Variants in ADD1 observed in about 807,000 individuals in gnomAD.
The protein encoded by ADD1 is adducin 1.
Under a neutral mutation model 80.5 loss-of-function variants are expected in ADD1, and 24 were observed. The observed-to-expected ratio is 0.30, with a 90% confidence interval of 0.22 to 0.42. The LOEUF (loss-of-function observed/expected upper bound fraction) is 0.42, where lower values mean the gene tolerates loss of function less well. Among genes scored for constraint, ADD1 ranks in the 10% least tolerant of loss-of-function variants. ADD1 has a pLI of 1.00. For missense variants in ADD1, 948 were observed against 1,019.0 expected, an observed-to-expected ratio of 0.93 and a Z score of 0.95; for synonymous variants, 373 against 393.8, an observed-to-expected ratio of 0.95 and a Z score of 0.63.
chr4:2,916,388 G>A (rs1037790497), intron 14 of ADD1, among the ~76,000 whole-genome samples: 1 of 151,726 alleles, frequency 6.6e-6, no homozygotes, highest in Non-Finnish European at 1.5e-5. Context: ...TAGAGATGGG[G>A]TTTCACCATG....
intron 1 of ADD1, among the ~76,000 whole-genome samples, chr4:2,865,793 T>A (rs1729458603): frequency 6.6e-6 from 1 of 152,176 alleles, no homozygotes; most frequent in Non-Finnish European, 1.5e-5. Flanking sequence ...TTTGAAAGAT[T>A]TCATCACTTC....
At chr4:2,923,322 G>A (rs376216255) in intron 14 of ADD1, among the ~76,000 whole-genome samples, 161 of 152,340 alleles carry the variant, frequency 1.1e-3, no homozygotes, top group African/African-American at 3.4e-3. Context: ...TGGGAAAAGC[G>A]TAGTATTTGA....
intron 1 of ADD1, among the ~76,000 whole-genome samples, chr4:2,861,903 T>C (rs529015115): frequency 6.6e-6 from 1 of 152,328 alleles, no homozygotes; most frequent in African/African-American, 2.4e-5. Context: ...CTAACACAAA[T>C]TCGTAAACTT....
At chr4:2,871,935 G>C (rs1423162257) in intron 1 of ADD1, among the ~76,000 whole-genome samples, 1 of 152,118 alleles carries the variant, frequency 6.6e-6, no homozygotes, top group East Asian at 1.9e-4. Context: ...TCCTACTAAG[G>C]TCCACATATT....
intron 14 of ADD1, among the ~76,000 whole-genome samples, chr4:2,923,363 C>T (rs1417636762): frequency 2.0e-5 from 3 of 152,210 alleles, no homozygotes; most frequent in Non-Finnish European, 4.4e-5. Context: ...AAGCCACAGT[C>T]CCTCATGGCT....
chr4:2,872,167 G>C (rs1730556248), intron 1 of ADD1, among the ~76,000 whole-genome samples: 1 of 152,170 alleles, frequency 6.6e-6, no homozygotes. Context: ...GATGTCACTT[G>C]GGCAGGCCAT....
chr4:2,919,612 G>A (rs1035938723), intron 14 of ADD1, among the ~76,000 whole-genome samples: 2 of 152,156 alleles, frequency 1.3e-5, no homozygotes, highest in African/African-American at 4.8e-5. Context: ...AGATTTTCTA[G>A]TTTATTTGCG....
chr4:2,855,530 A>G (rs1028171151), intron 1 of ADD1, among the ~76,000 whole-genome samples: 1 of 151,492 alleles, frequency 6.6e-6, no homozygotes, highest in Non-Finnish European at 1.5e-5. Context: ...TCTAAAACTA[A>G]TATTCTGTCG....
At chr4:2,850,714 C>T (rs1364254282) in intron 1 of ADD1, among the ~76,000 whole-genome samples, 3 of 150,284 alleles carry the variant, frequency 2.0e-5, no homozygotes, top group Non-Finnish European at 4.4e-5. Flanking sequence ...CGTGAGCCAC[C>T]GCGCCTGGCC....
At chr4:2,868,355 T>C (rs1729871985) in intron 1 of ADD1, among the ~76,000 whole-genome samples, 1 of 152,186 alleles carries the variant, frequency 6.6e-6, no homozygotes, top group African/African-American at 2.4e-5. Flanking sequence ...AGGGCGTCCA[T>C]GTCTCTTGGT....
chr4:2,880,013 C>T (rs1319738579), intron 2 of ADD1, among the ~76,000 whole-genome samples: 2 of 152,150 alleles, frequency 1.3e-5, no homozygotes, highest in Non-Finnish European at 2.9e-5. Context: ...ACTGCGCCTG[C>T]CCTATCTTTA....
At chr4:2,922,662 G>A (rs1394501490) in intron 14 of ADD1, among the ~76,000 whole-genome samples, 1 of 152,246 alleles carries the variant, frequency 6.6e-6, no homozygotes, top group Non-Finnish European at 1.5e-5. Flanking sequence ...CAGAGCTTGA[G>A]TGCTGTGCTG....
Position 2,852,189 on chromosome 4 carries a change from T to TCTTCCTTTCTTCCTTTCTTCCTTTCTTTC in ADD1, c.-21+8168_-21+8169insCCTTTCTTCCTTTCTTCCTTTCTTTCCTT, listed in dbSNP as rs1553815103. On this transcript the variant is annotated intron_variant, in intron 1 of 15. Transcript: ENST00000683351. ...TTCTTTCTTTCTTTCTTTCTTTCTT[T>TCTTCCTTTCTTCCTTTCTTCCTTTCTTTC]CTTTCTTTCCTTTCTTTCCTTTCCT... 8.5e-3 allele frequency among the ~76,000 whole-genome samples: 430 copies of TCTTCCTTTCTTCCTTTCTTCCTTTCTTTC among 50,808 alleles called. 10 individuals carry two copies. Among genetic ancestry groups the TCTTCCTTTCTTCCTTTCTTCCTTTCTTTC allele is most frequent in the African/African-American group, 0.028 (412 of 14,534 alleles). 33.3% of individuals were successfully genotyped at this position (50,808 alleles called of 152,430 possible). A position where few individuals can be genotyped will look rare whatever the true frequency, so the allele number is the denominator to read the frequency against.
intron 1 of ADD1, among the ~76,000 whole-genome samples, chr4:2,865,115 T>A (rs909357667): frequency 6.6e-6 from 1 of 152,170 alleles, no homozygotes; most frequent in Non-Finnish European, 1.5e-5. Flanking sequence ...TGTGAATGTT[T>A]TTCTTATTCT....
chr4:2,871,566 A>G (rs1481601161), intron 1 of ADD1, among the ~76,000 whole-genome samples: 1 of 152,232 alleles, frequency 6.6e-6, no homozygotes, highest in Admixed American at 6.5e-5. Flanking sequence ...AGACCAGCTC[A>G]TGTAAGGTCT....
At chr4:2,876,670 A>G (rs1025738445) in intron 2 of ADD1, among the ~76,000 whole-genome samples, 2 of 152,004 alleles carry the variant, frequency 1.3e-5, no homozygotes, top group African/African-American at 4.8e-5. Context: ...ACCCATCTCT[A>G]CTAAAAATAC....
intron 13 of ADD1, among the ~76,000 whole-genome samples, chr4:2,913,074 C>T (rs1190056418): frequency 1.3e-5 from 2 of 152,052 alleles, no homozygotes; most frequent in Non-Finnish European, 2.9e-5. Flanking sequence ...TCTTGAACTC[C>T]TGACCTCAGG....
rs375773729 is a variant in ADD1, at chr4:2,926,715, C to T, written c.2047+603C>T. 1.3e-5 allele frequency: 20 copies of T among 1,599,614 alleles called. No homozygotes were observed. Among genetic ancestry groups the T allele is most frequent in the Admixed American group, 8.4e-5 (5 of 59,484 alleles). ...GCCTCCGCTCTCCACCGGTGCCCTG[C>T]GCTTTGCCTCATTCTCCTGCTTCTT... On this transcript the variant is annotated intron_variant, in intron 15 of 15. Transcript: ENST00000683351. The surrounding 1 kb of genome is among the most constrained non-coding windows in gnomAD (Gnocchi z 5.0).
At chr4:2,896,098 A>G (rs1248114732) in intron 6 of ADD1, among the ~76,000 whole-genome samples, 1 of 151,918 alleles carries the variant, frequency 6.6e-6, no homozygotes, top group Admixed American at 6.6e-5. Flanking sequence ...CGTGTTAGCC[A>G]GAATGGTCTT....
Sources: allele counts gnomAD v4.1 joint callset (sites outside exome capture counted in the v4.1 genomes callset), GRCh38; gene constraint gnomAD v4.1.1; non-coding constraint Gnocchi (gnomAD v3.1); transcripts MANE v1.5; gene names NCBI Gene and HGNC (gene_info 2026-07-23, HGNC 2026-07-21).